RBFOX1: variants seen among roughly 807,000 people sequenced by gnomAD.
RBFOX1 encodes the protein RNA binding protein fox-1 homolog 1.
A neutral mutation model predicts 57.7 loss-of-function variants in RBFOX1; 8 were observed. The observed-to-expected ratio is 0.14, with a 90% CI of 0.08 to 0.25. RBFOX1 has a LOEUF of 0.25. RBFOX1 is among the 10% of genes least tolerant of loss of function. The pLI is 1.00. For missense variants in RBFOX1, 611 were observed against 548.5 expected, an observed-to-expected ratio of 1.11 and a Z score of -1.14; for synonymous variants, 326 against 222.4, an observed-to-expected ratio of 1.47 and a Z score of -4.15.
At chr16:5,794,945 C>T (rs927508586) in intron 3 of RBFOX1, among the ~76,000 whole-genome samples, 4 of 152,204 alleles carry the variant, frequency 2.6e-5, no homozygotes, top group African/African-American at 9.7e-5. Context: ...TCCCCAGGCA[C>T]ACACCCACTC....
chr16:6,043,214 G>T (rs1250117194), intron 1 of RBFOX1, among the ~76,000 whole-genome samples: 1 of 144,074 alleles, frequency 6.9e-6, no homozygotes, highest in Non-Finnish European at 1.5e-5. Context: ...TAAGCTTTCA[G>T]ATAGCAGGCT....
intron 7 of RBFOX1, among the ~76,000 whole-genome samples, chr16:7,588,893 C>T (rs1158082663): frequency 6.6e-6 from 1 of 152,112 alleles, no homozygotes; most frequent in Non-Finnish European, 1.5e-5. Context: ...CCTCCATGGC[C>T]AGAGTGATGT....
intron 4 of RBFOX1, among the ~76,000 whole-genome samples, chr16:7,366,389 G>A (rs2097448286): frequency 1.3e-5 from 2 of 152,296 alleles, no homozygotes; most frequent in African/African-American, 4.8e-5. Flanking sequence ...TTCCAGGGAA[G>A]CTGCGCCCTG....
At chr16:7,685,225 C>T (rs141727656) in intron 14 of RBFOX1, among the ~76,000 whole-genome samples, 1 of 152,200 alleles carries the variant, frequency 6.6e-6, no homozygotes, top group East Asian at 1.9e-4. Context: ...AAAGGGTTGT[C>T]CTGCCACAAA....
chr16:6,528,578 G>C (rs1486965886), intron 2 of RBFOX1, among the ~76,000 whole-genome samples: 3 of 152,168 alleles, frequency 2.0e-5, no homozygotes, highest in Non-Finnish European at 1.5e-5. Context: ...GTATGATTCT[G>C]TGTCAGTTTA....
intron 4 of RBFOX1, among the ~76,000 whole-genome samples, chr16:5,912,250 G>A (rs1399941707): frequency 6.6e-6 from 1 of 152,146 alleles, no homozygotes; most frequent in Admixed American, 6.5e-5. Flanking sequence ...CATTTATAGT[G>A]ATCAAATGAG....
chr16:6,889,709 A>T (rs2064972026), intron 3 of RBFOX1, among the ~76,000 whole-genome samples: 1 of 152,114 alleles, frequency 6.6e-6, no homozygotes, highest in Non-Finnish European at 1.5e-5. Context: ...ATTCTTGAAG[A>T]GCTATATTGA....
Position 6,006,605 on chromosome 16 carries a change from C to T in RBFOX1, c.351+139270C>T, listed in dbSNP as rs529463541. Among the ~76,000 whole-genome samples the T allele has an allele frequency of 2.6e-5, 4 of 152,322 alleles. No individual in the cohort carries two copies. The East Asian group carries it at 5.8e-4, about 22-fold the overall frequency. ...AAGCCAGTTTTCCTTATAATTATTA[C>T]ACCTGTGTGTCCATAAATCCCATTT... is the stretch of plus-strand genomic sequence containing the variant. On this transcript the variant is annotated intron_variant, in intron 4 of 19. Coordinates refer to the RBFOX1 transcript ENST00000641259.
chr16:7,265,189 A>T (rs925793678), intron 4 of RBFOX1, among the ~76,000 whole-genome samples: 7 of 152,136 alleles, frequency 4.6e-5, no homozygotes, highest in Non-Finnish European at 7.3e-5. Context: ...GCAAAGTGCC[A>T]TAGACAGGGT....
At chr16:6,969,937 A>G (rs1221655567) in intron 3 of RBFOX1, among the ~76,000 whole-genome samples, 3 of 152,100 alleles carry the variant, frequency 2.0e-5, no homozygotes, top group African/African-American at 4.8e-5. Flanking sequence ...TCCCACATAC[A>G]GAAATGTCAC....
intron 2 of RBFOX1, among the ~76,000 whole-genome samples, chr16:6,333,995 G>T (rs985621775): frequency 6.6e-6 from 1 of 152,152 alleles, no homozygotes; most frequent in Non-Finnish European, 1.5e-5. Flanking sequence ...TTTGGTGGGG[G>T]TAGGGGGGAG....
chr16:7,274,906 G>T (rs914505175), intron 4 of RBFOX1, among the ~76,000 whole-genome samples: 2 of 151,952 alleles, frequency 1.3e-5, no homozygotes, highest in Non-Finnish European at 2.9e-5. Context: ...GCTGTCTCGA[G>T]CTCTTGGCCT....
chr16:5,877,222 T>C (rs1435740102), intron 4 of RBFOX1, among the ~76,000 whole-genome samples: 1 of 152,230 alleles, frequency 6.6e-6, no homozygotes, highest in Non-Finnish European at 1.5e-5. Context: ...TGGACTTCTT[T>C]GGAGGGGTCA....
chr16:7,530,697 C>A (rs1054385987), intron 5 of RBFOX1, among the ~76,000 whole-genome samples: 4 of 152,044 alleles, frequency 2.6e-5, no homozygotes, highest in African/African-American at 9.7e-5. Flanking sequence ...GTGGAGCCTG[C>A]CAAATTGTCA....
chr16:7,378,222 G>A (rs529620489), intron 4 of RBFOX1, among the ~76,000 whole-genome samples: 1 of 152,180 alleles, frequency 6.6e-6, no homozygotes. Context: ...TGCGATGAGT[G>A]TGTACACAAA....
intron 1 of RBFOX1, among the ~76,000 whole-genome samples, chr16:6,264,808 T>C (rs1042658794): frequency 6.6e-6 from 1 of 152,176 alleles, no homozygotes; most frequent in Non-Finnish European, 1.5e-5. Flanking sequence ...ATCTGATTAG[T>C]TTTTTTGTTT....
chr16:6,171,587 A>G (rs1187856934), intron 1 of RBFOX1, among the ~76,000 whole-genome samples: 1 of 152,174 alleles, frequency 6.6e-6, no homozygotes, highest in Non-Finnish European at 1.5e-5. Context: ...AACATATGAT[A>G]TAATGCTTAG....
At chr16:7,468,886 G>A (rs963813614) in intron 4 of RBFOX1, among the ~76,000 whole-genome samples, 11 of 152,060 alleles carry the variant, frequency 7.2e-5, no homozygotes, top group Admixed American at 7.2e-4. Flanking sequence ...CCGTCCAAAT[G>A]ACCTGATTCA....
At chr16:5,867,508 G>T (rs995139339) in intron 4 of RBFOX1, among the ~76,000 whole-genome samples, 1 of 152,028 alleles carries the variant, frequency 6.6e-6, no homozygotes, top group Non-Finnish European at 1.5e-5. Flanking sequence ...GGGGTGCCCA[G>T]GTCACCGCAC....
Sources: allele counts gnomAD v4.1 joint callset (sites outside exome capture counted in the v4.1 genomes callset), GRCh38; gene constraint gnomAD v4.1.1; transcripts MANE v1.5; gene names NCBI Gene and HGNC (gene_info 2026-07-23, HGNC 2026-07-21).